Variants in DNAJA4 observed in about 807,000 individuals in gnomAD.
The protein encoded by DNAJA4 is DnaJ heat shock protein family (Hsp40) member A4.
In DNAJA4, 32 loss-of-function variants were observed where a neutral mutation model predicts 39.7. The ratio of observed to expected loss-of-function variants is 0.81; its 90% CI spans 0.61 to 1.08. DNAJA4 has a LOEUF of 1.08. DNAJA4 is among the 50% of genes least tolerant of loss of function. The pLI is 0.00. For synonymous variants in DNAJA4, 184 were observed against 182.4 expected, an observed-to-expected ratio of 1.01 and a Z score of -0.07; for missense variants, 439 against 505.1, an observed-to-expected ratio of 0.87 and a Z score of 1.25.
At chr15:78,271,015 C>G (rs1164048055) in intron 2 of DNAJA4, among the ~76,000 whole-genome samples, 1 of 152,072 alleles carries the variant, frequency 6.6e-6, no homozygotes, top group Non-Finnish European at 1.5e-5. Context: ...CTGCAGTGAG[C>G]TCTCCAGCCT....
chr15:78,273,871 C>CGCCACA (rs1478289249), intron 3 of DNAJA4, among the ~76,000 whole-genome samples: 2 of 152,138 alleles, frequency 1.3e-5, no homozygotes, highest in Non-Finnish European at 2.9e-5. Context: ...TTGTCTAGAT[C>CGCCACA]GCCACAGCCC....
At chr15:78,274,594 T>C (rs2049395017) in intron 4 of DNAJA4, 170 bp downstream of exon 4, 3 of 649,080 alleles carry the variant, frequency 4.6e-6, no homozygotes, top group Non-Finnish European at 8.1e-6. Context: ...CCTGGCCTTA[T>C]TTCCATTCCA....
Position 78,276,768 on chromosome 15 carries a change from C to A in DNAJA4, c.877+1040C>A, listed in dbSNP as rs117932732. 1.6e-3 allele frequency among the ~76,000 whole-genome samples: 246 copies of A among 152,302 alleles called. 1 individual carries two copies. The highest frequency in any genetic ancestry group is 2.3e-3 in the Non-Finnish European group (157 of 68,016). On this transcript the variant is annotated intron_variant, in intron 5 of 6. Transcript: ENST00000394852. ...TGGTGCAAAAGGGGTAGGTTCAGGG[C>A]AGGCAGGGAGGTAACCACCAATAAG...
intron 2 of DNAJA4, among the ~76,000 whole-genome samples, chr15:78,271,151 AC>A (rs1220652967): frequency 1.3e-5 from 2 of 152,208 alleles, no homozygotes; most frequent in Non-Finnish European, 2.9e-5. Context: ...TGCTCAGGCT[AC>A]CTGGAAACTC....
At chr15:78,274,153 A>T in intron 3 of DNAJA4, 44 bp from the exon 4 acceptor site, 1 of 1,577,904 alleles carries the variant, frequency 6.3e-7, no homozygotes, top group Non-Finnish European at 8.6e-7. Flanking sequence ...GACACTGGTA[A>T]GGGAAGAGCA....
Position 78,264,781 on chromosome 15 carries a change from G to C in DNAJA4, c.18G>C (p.Gln6His). The C allele has an allele frequency of 6.2e-7, 1 of 1,606,424 alleles. No homozygotes were observed. Among genetic ancestry groups the C allele is most frequent in the Non-Finnish European group, 8.5e-7 (1 of 1,176,006 alleles). Residue 6 changes from glutamine to histidine, a missense_variant, in exon 1 of 7, where the codon CAG (glutamine) becomes CAC (histidine). Physicochemically the swap from Gln to His is conservative, Grantham distance 24. Coordinates refer to ENST00000394852, the MANE Select transcript of DNAJA4 (RefSeq NM_001130182.2). The stretch of plus-strand genomic sequence containing the variant: ...GACACAAGATGGTGAAGGAGACCCA[G>C]TACTATGACATCCTGGGCGTGAAGC... Reference protein sequence around the residue: MVKETQYYDILGVKPS... With the variant: MVKETHYYDILGVKPS...
At position 78,280,430 on chromosome 15, in the gene DNAJA4, C is replaced by T. The variant is rs574949206; in HGVS notation, c.1164C>T (p.Pro388=). The change falls in exon 7 of 7, where the codon CCC becomes CCT. Residue 388 remains proline (P), a synonymous_variant. Transcript: ENST00000394852. ...REAYEEDEDG[P]QAGVQCQTA The stretch of plus-strand genomic sequence containing the variant: ...CCTACGAGGAGGACGAAGACGGGCC[C>T]CAGGCTGGAGTGCAGTGCCAGACGG... 7.4e-6 allele frequency: 12 copies of T among 1,613,046 alleles called. No homozygotes were observed. The South Asian group carries it at 1.3e-4, about 18-fold the overall frequency.
chr15:78,267,187 T>TATGTGAGTGTGTGAGTGTGTATGTGA, intron 1 of DNAJA4, among the ~76,000 whole-genome samples: 1 of 151,786 alleles, frequency 6.6e-6, no homozygotes, highest in African/African-American at 2.4e-5. Context: ...TGTGAGTGTG[T>TATGTGAGTGTGTGAGTGTGTATGTGA]GTGTGAGTGT....
At chr15:78,265,906 T>C (rs776485350) in intron 1 of DNAJA4, 2 of 594,012 alleles carry the variant, frequency 3.4e-6, no homozygotes. Flanking sequence ...TCAAAATACC[T>C]GTCTGTGTTA....
Position 78,273,117 on chromosome 15 carries a change from A to T in DNAJA4, c.336A>T (p.Leu112Phe). The T allele has an allele frequency of 1.2e-6, 2 of 1,601,022 alleles. No homozygotes were observed. The highest frequency in any genetic ancestry group is 1.1e-5 in the South Asian group (1 of 89,822). The change falls in exon 3 of 7, where the codon TTA (leucine) becomes TTT (phenylalanine). Residue 112 changes from leucine to phenylalanine, a missense_variant. Leu to Phe is a conservative substitution (Grantham distance 22). Transcript: ENST00000394852. ...AAGGCAAGAATGTTGTACACCAGTT[A>T]TCTGTAACTCTTGAAGATCTATATA... is the stretch of plus-strand genomic sequence containing the variant. ...ERRGKNVVHQ[L>F]SVTLEDLYNG...
chr15:78,274,766 G>A (rs1302386286), intron 4 of DNAJA4: 4 of 344,606 alleles, frequency 1.2e-5, no homozygotes, highest in Non-Finnish European at 1.7e-5. Context: ...CTTTCGGAGT[G>A]TCTTCCTGGT....
intron 1 of DNAJA4, among the ~76,000 whole-genome samples, chr15:78,269,165 G>A (rs1026406675): frequency 2.0e-5 from 3 of 152,174 alleles, no homozygotes; most frequent in Non-Finnish European, 2.9e-5. Flanking sequence ...GTTAGGACTG[G>A]CTTTTACTCC....
At chr15:78,270,367 A>T in intron 1 of DNAJA4, 130 bp from the exon 2 acceptor site, 1 of 897,042 alleles carries the variant, frequency 1.1e-6, no homozygotes, top group Non-Finnish European at 1.7e-6. Flanking sequence ...CAGGTAGAGG[A>T]TGTATAGACT....
chr15:78,272,407 A>G (rs1420490184), intron 2 of DNAJA4, among the ~76,000 whole-genome samples: 2 of 152,124 alleles, frequency 1.3e-5, no homozygotes, highest in Non-Finnish European at 2.9e-5. Flanking sequence ...GAGATGAAAA[A>G]CTTCATGCCC....
In DNAJA4 at chr15:78,264,747, C is replaced by G. The variant is rs764935575; in HGVS notation, c.-17C>G. 4.5e-6 allele frequency: 7 copies of G among 1,563,874 alleles called. No individual in the cohort carries two copies. The highest frequency in any genetic ancestry group is 2.8e-5 in the African/African-American group (2 of 71,988). Reference sequence around the variant, plus strand: ...GGCGCTCTGACCGGCCTCGCCCGCCCCCCCCGCAGACACAAGATGGTGAAG... The same window carrying G: ...GGCGCTCTGACCGGCCTCGCCCGCCGCCCCCGCAGACACAAGATGGTGAAG... On this transcript the variant is annotated 5_prime_UTR_variant, in exon 1 of 7. Coordinates refer to ENST00000394852, the MANE Select transcript of DNAJA4 (RefSeq NM_001130182.2).
At chr15:78,270,216 C>G in intron 1 of DNAJA4, 1 of 286,688 alleles carries the variant, frequency 3.5e-6, no homozygotes. Flanking sequence ...CTGTCTGGTG[C>G]AGCCGGATTA....
In DNAJA4 at chr15:78,279,784, G is replaced by C. The variant is rs897522156; in HGVS notation, c.878-261G>C. 1.9e-6 allele frequency: 1 copy of C among 534,776 alleles called. No homozygotes were observed. Among genetic ancestry groups the C allele is most frequent in the African/African-American group, 1.9e-5 (1 of 52,794 alleles). The allele number at this position is 534,776 out of a possible 1,614,324, so 33.1% of individuals were successfully genotyped here. On this transcript the variant is annotated intron_variant, in intron 5 of 6. Coordinates refer to ENST00000394852, the MANE Select transcript of DNAJA4 (RefSeq NM_001130182.2). The surrounding 1 kb of genome is among the most constrained non-coding windows in gnomAD (Gnocchi z 4.5). Reference sequence around the variant, plus strand: ...TAGTTCACTTGTTTTAAACCTACCTGTGATGGCAGCTGCACCATGCTGCCC... The same window carrying C: ...TAGTTCACTTGTTTTAAACCTACCTCTGATGGCAGCTGCACCATGCTGCCC...
intron 4 of DNAJA4, chr15:78,275,242 T>G: frequency 2.1e-6 from 1 of 479,362 alleles, no homozygotes; most frequent in Non-Finnish European, 3.7e-6. Context: ...CAGGGAGTGC[T>G]GTGTAAACCT....
At chr15:78,267,476 G>GT (rs1332274540) in intron 1 of DNAJA4, among the ~76,000 whole-genome samples, 4 of 142,482 alleles carry the variant, frequency 2.8e-5, no homozygotes, top group Non-Finnish European at 4.6e-5. Flanking sequence ...TTTTTTTTTT[G>GT]TTTTTTGTTT....
Sources: allele counts gnomAD v4.1 joint callset (sites outside exome capture counted in the v4.1 genomes callset), GRCh38; gene constraint gnomAD v4.1.1; non-coding constraint Gnocchi (gnomAD v3.1); transcripts MANE v1.5; gene names NCBI Gene and HGNC (gene_info 2026-07-23, HGNC 2026-07-21).